The following PIK3CB variants were observed in gnomAD, a reference collection of about 807,000 sequenced individuals.
The protein encoded by PIK3CB is phosphatidylinositol-4,5-bisphosphate 3-kinase catalytic subunit beta.
Under a neutral mutation model 136.8 loss-of-function variants are expected in PIK3CB, and 39 were observed. That is an observed-to-expected ratio of 0.29 (90% CI 0.22 to 0.37). PIK3CB has a LOEUF of 0.37. Among genes scored for constraint, PIK3CB ranks in the 10% least tolerant of loss-of-function variants. PIK3CB has a pLI of 1.00. For synonymous variants in PIK3CB, 428 were observed against 436.6 expected (o/e 0.98, Z 0.25); for missense variants, 868 against 1,275.4 (o/e 0.68, Z 4.87).
chr3:138,828,954 A>AT (rs34176247), intron 1 of PIK3CB, among the ~76,000 whole-genome samples: 7,913 of 130,710 alleles, frequency 0.061, 254 homozygotes, highest in Non-Finnish European at 0.069. Flanking sequence ...CACCAGGCTA[A>AT]TTTTTTTTTT....
chr3:138,693,966 T>TATATA (rs1457395869), intron 14 of PIK3CB, among the ~76,000 whole-genome samples: 1,931 of 42,228 alleles, frequency 0.046, 306 homozygotes, highest in Middle Eastern at 0.1. Flanking sequence ...TATATATATA[T>TATATA]TATATATATA....
chr3:138,781,538 C>T (rs532339289), intron 2 of PIK3CB, among the ~76,000 whole-genome samples: 21 of 151,930 alleles, frequency 1.4e-4, no homozygotes, highest in South Asian at 4.2e-4. Context: ...CTGCAAACTC[C>T]GACTCCCGGG....
At chr3:138,707,396 A>T in intron 10 of PIK3CB, 107 bp from the exon 11 acceptor site, 1 of 1,417,470 alleles carries the variant, frequency 7.1e-7, no homozygotes, top group South Asian at 1.6e-5. Flanking sequence ...AAGTATGTCA[A>T]CTACAGAAGT....
At chr3:138,707,800 C>A (rs1316728860) in intron 10 of PIK3CB, among the ~76,000 whole-genome samples, 1 of 152,166 alleles carries the variant, frequency 6.6e-6, no homozygotes, top group Non-Finnish European at 1.5e-5. Context: ...CTCTGGAATA[C>A]TCCATTAAGT....
intron 1 of PIK3CB, 45 bp downstream of exon 1, chr3:138,834,650 C>G (rs932380026): frequency 6.5e-6 from 1 of 153,824 alleles, no homozygotes; most frequent in African/African-American, 2.4e-5. Context: ...GCGACCCAGC[C>G]GCCCCTCAGC....
chr3:138,775,702 T>C (rs2045850113), intron 2 of PIK3CB, among the ~76,000 whole-genome samples: 1 of 152,172 alleles, frequency 6.6e-6, no homozygotes, highest in South Asian at 2.1e-4. Context: ...GGATGAGTAC[T>C]GGGAGTTACA....
chr3:138,689,442 C>T (rs1475042014), intron 15 of PIK3CB, among the ~76,000 whole-genome samples: 1 of 152,144 alleles, frequency 6.6e-6, no homozygotes, highest in Non-Finnish European at 1.5e-5. Context: ...TATAGGCATG[C>T]GCCACCATGC....
intron 3 of PIK3CB, among the ~76,000 whole-genome samples, chr3:138,756,585 A>G (rs2045572753): frequency 6.6e-6 from 1 of 152,118 alleles, no homozygotes; most frequent in African/African-American, 2.4e-5. Flanking sequence ...TGTCTCCTGG[A>G]TGAGATAATA....
In PIK3CB at chr3:138,733,409, T is replaced by G; in HGVS notation, c.1002A>C (p.Gln334His). ...GTTTATTTCCCTTAACCAAGACAAT[T>G]TGGAAAGGGTTGTTATTTTCCCAAA... is the stretch of plus-strand genomic sequence containing the variant. ...SHVWENNNPF[Q>H]IVLVKGNKLN... The change falls in exon 8 of 24, where the codon CAA becomes CAC. Residue 334 changes from glutamine to histidine, a missense_variant. By Grantham distance (24) the Gln-to-His change is conservative. Around this residue, in one of 4 missense-constraint regions of PIK3CB, gnomAD observed 612 missense variants for 801.1 expected, o/e 0.76. Coordinates refer to ENST00000674063, the MANE Select transcript of PIK3CB (RefSeq NM_006219.3). 2 of 1,558,388 alleles carry G rather than the reference T, an allele frequency of 1.3e-6. No homozygotes were observed. Among genetic ancestry groups the G allele is most frequent in the Non-Finnish European group, 1.8e-6 (2 of 1,132,564 alleles).
At chr3:138,685,054 C>G (rs115004779) in intron 16 of PIK3CB, 2 of 366,570 alleles carry the variant, frequency 5.5e-6, no homozygotes, top group East Asian at 1.1e-4. Context: ...CTTACAAATT[C>G]GAGAAAAGCA....
At position 138,773,800 on chromosome 3, in the gene PIK3CB, T is replaced by C. The variant is rs143485516; in HGVS notation, c.-16-14441A>G. On this transcript the variant is annotated intron_variant, in intron 2 of 23. Coordinates refer to ENST00000674063, the MANE Select transcript of PIK3CB (RefSeq NM_006219.3). Reference sequence around the variant, plus strand: ...TGGATATATGTATTTCCAGGAGAAATGTATTTCATCCCCACAGTCTTCTCT... The same window carrying C: ...TGGATATATGTATTTCCAGGAGAAACGTATTTCATCCCCACAGTCTTCTCT... Among the ~76,000 whole-genome samples the C allele has an allele frequency of 3.8e-3, 574 of 152,276 alleles. 5 individuals carry two copies. The highest frequency in any genetic ancestry group is 0.013 in the African/African-American group (551 of 41,554).
chr3:138,766,495 C>T (rs2045734389), intron 2 of PIK3CB, among the ~76,000 whole-genome samples: 1 of 152,070 alleles, frequency 6.6e-6, no homozygotes, highest in Non-Finnish European at 1.5e-5. Context: ...TCTTTAGGTG[C>T]ATCATAAAGA....
At chr3:138,828,721 G>A (rs1179777340) in intron 1 of PIK3CB, among the ~76,000 whole-genome samples, 1 of 151,998 alleles carries the variant, frequency 6.6e-6, no homozygotes, top group African/African-American at 2.4e-5. Flanking sequence ...TACTACCTGT[G>A]AATGCCCACT....
intron 2 of PIK3CB, among the ~76,000 whole-genome samples, chr3:138,768,481 G>A (rs539407644): frequency 2.7e-4 from 41 of 152,330 alleles, no homozygotes; most frequent in Non-Finnish European, 5.0e-4. Flanking sequence ...GCAGCCATGG[G>A]CAGGCCCGGA....
intron 2 of PIK3CB, among the ~76,000 whole-genome samples, chr3:138,772,918 TG>T (rs894847124): frequency 6.0e-5 from 9 of 151,244 alleles, no homozygotes; most frequent in African/African-American, 2.2e-4. Context: ...CCCAAGTAGC[TG>T]GGACTACAGT....
chr3:138,669,399 C>T (rs1300248049), intron 19 of PIK3CB, among the ~76,000 whole-genome samples: 1 of 99,666 alleles, frequency 1.0e-5, no homozygotes, highest in Admixed American at 1.6e-4. Context: ...TACAGTGAGA[C>T]CCTGTTTCAA....
intron 8 of PIK3CB, among the ~76,000 whole-genome samples, chr3:138,722,958 T>C (rs2044758721): frequency 1.3e-5 from 2 of 151,904 alleles, no homozygotes; most frequent in Admixed American, 1.3e-4. Context: ...TTGAGAAATC[T>C]CTGTGTAATT....
chr3:138,787,556 T>C (rs1164201838), intron 2 of PIK3CB, among the ~76,000 whole-genome samples: 3 of 152,032 alleles, frequency 2.0e-5, no homozygotes, highest in Non-Finnish European at 4.4e-5. Flanking sequence ...TGTAATCCCA[T>C]CACATTTTTT....
chr3:138,693,421 C>T (rs1036033908), intron 14 of PIK3CB, among the ~76,000 whole-genome samples: 8 of 151,570 alleles, frequency 5.3e-5, no homozygotes, highest in African/African-American at 1.5e-4. Context: ...TTTTTGGAGA[C>T]GGAGTCTCGC....
Sources: gnomAD v4.1 joint callset for allele counts (sites outside exome capture counted in the v4.1 genomes callset) on GRCh38, gnomAD v4.1.1 for gene constraint, gnomAD v4.1.1 regional missense constraint, MANE v1.5 for transcripts, NCBI Gene and HGNC (gene_info 2026-07-23, HGNC 2026-07-21) for gene names.